The following MACROD2 variants were observed in gnomAD, a reference collection of about 807,000 sequenced individuals.
The protein encoded by MACROD2 is mono-ADP ribosylhydrolase 2.
Under a neutral mutation model 70.4 loss-of-function variants are expected in MACROD2, and 36 were observed. That is an observed-to-expected ratio of 0.51 (90% CI 0.39 to 0.68). The LOEUF (loss-of-function observed/expected upper bound fraction) is 0.68, where lower values mean the gene tolerates loss of function less well. MACROD2 is among the 30% of genes least tolerant of loss of function. MACROD2 has a pLI of 0.00. For missense variants in MACROD2, 496 were observed against 538.4 expected (o/e 0.92, Z 0.78); for synonymous variants, 172 against 178.8 (o/e 0.96, Z 0.30).
chr20:14,360,988 C>T (rs567107821), intron 3 of MACROD2, among the ~76,000 whole-genome samples: 3 of 152,214 alleles, frequency 2.0e-5, no homozygotes, highest in Admixed American at 6.5e-5. Flanking sequence ...GCAGGGCTTC[C>T]TAGCTTTTCC....
chr20:15,189,818 T>C (rs960213262), intron 5 of MACROD2, among the ~76,000 whole-genome samples: 18 of 152,302 alleles, frequency 1.2e-4, no homozygotes, highest in Non-Finnish European at 7.4e-5. Flanking sequence ...CCTGAGATCA[T>C]TACAGTGTTA....
chr20:15,919,389 T>G (rs563439346), intron 10 of MACROD2, among the ~76,000 whole-genome samples: 1 of 152,334 alleles, frequency 6.6e-6, no homozygotes, highest in East Asian at 1.9e-4. Flanking sequence ...TCAGCTACCC[T>G]AGAAAATTTT....
At chr20:15,313,695 T>G (rs903797327) in intron 6 of MACROD2, among the ~76,000 whole-genome samples, 5 of 152,108 alleles carry the variant, frequency 3.3e-5, no homozygotes, top group African/African-American at 1.2e-4. Flanking sequence ...CTCACTATAC[T>G]TCTGCCTACC....
chr20:16,041,581 T>C (rs532399721), intron 16 of MACROD2, among the ~76,000 whole-genome samples: 11 of 151,996 alleles, frequency 7.2e-5, no homozygotes, highest in East Asian at 1.9e-4. Flanking sequence ...GTGAACTTTA[T>C]GGAAGCATTA....
At chr20:14,188,398 A>G (rs1317368483) in intron 3 of MACROD2, among the ~76,000 whole-genome samples, 1 of 152,148 alleles carries the variant, frequency 6.6e-6, no homozygotes, top group Non-Finnish European at 1.5e-5. Flanking sequence ...AAGCGATGCC[A>G]TATTTACCTG....
Position 14,803,189 on chromosome 20 carries a change from G to C in MACROD2, c.418+118230G>C, listed in dbSNP as rs568298131. Among the ~76,000 whole-genome samples, 169 of 152,202 alleles carry C rather than the reference G, an allele frequency of 1.1e-3. 1 individual carries two copies. The highest frequency in any genetic ancestry group is 3.9e-3 in the Admixed American group (60 of 15,286). On this transcript the variant is annotated intron_variant, in intron 5 of 17. Coordinates refer to ENST00000684519, the MANE Select transcript of MACROD2 (RefSeq NM_001351661.2). Reference sequence around the variant, plus strand: ...ATGGCACAGCATATTGCCTGTGGCAGAATCTATTACCAAGAAGTGGAGACC... The same window carrying C: ...ATGGCACAGCATATTGCCTGTGGCACAATCTATTACCAAGAAGTGGAGACC...
At chr20:14,774,721 G>T (rs1487665262) in intron 5 of MACROD2, among the ~76,000 whole-genome samples, 3 of 152,138 alleles carry the variant, frequency 2.0e-5, no homozygotes, top group Admixed American at 6.5e-5. Context: ...TTCTATAAAT[G>T]AGTAAGATAC....
chr20:15,380,192 TCAGCA>T lies in MACROD2; in HGVS notation c.541-51206_541-51202del, dbSNP rs1026950932. 1.6e-3 allele frequency among the ~76,000 whole-genome samples: 237 copies of T among 152,102 alleles called. 1 individual carries two copies. Among genetic ancestry groups the T allele is most frequent in the African/African-American group, 5.1e-3 (213 of 41,446 alleles). On this transcript the variant is annotated intron_variant, in intron 6 of 17. Transcript: ENST00000684519. ...ATCATACCATCATTTAAAAAAACCC[TCAGCA>T]CAGCACTTATCACAATCTGAGTGAT...
intron 5 of MACROD2, among the ~76,000 whole-genome samples, chr20:14,701,414 G>A (rs1193576759): frequency 1.3e-5 from 2 of 152,096 alleles, no homozygotes; most frequent in African/African-American, 2.4e-5. Context: ...AAGGATGCTG[G>A]ACTCTCTTGA....
chr20:15,505,306 A>C (rs966397139), intron 8 of MACROD2, among the ~76,000 whole-genome samples: 1 of 152,182 alleles, frequency 6.6e-6, no homozygotes, highest in South Asian at 2.1e-4. Context: ...TACGGCTTCT[A>C]AGATGACGAT....
At chr20:14,695,216 G>C (rs2071109568) in intron 5 of MACROD2, among the ~76,000 whole-genome samples, 1 of 152,158 alleles carries the variant, frequency 6.6e-6, no homozygotes, top group Admixed American at 6.6e-5. Context: ...GGTTCCAGGA[G>C]CAGATCCATC....
At chr20:15,550,306 G>T (rs1055926274) in intron 8 of MACROD2, among the ~76,000 whole-genome samples, 1 of 148,772 alleles carries the variant, frequency 6.7e-6, no homozygotes, top group Non-Finnish European at 1.5e-5. Context: ...TTTAAAATAA[G>T]AAATATTTAA....
intron 5 of MACROD2, among the ~76,000 whole-genome samples, chr20:15,101,533 T>TAAAAAAAAAAAAAA (rs1568573864): frequency 1.6e-3 from 12 of 7,478 alleles, no homozygotes; most frequent in Admixed American, 3.0e-3. Context: ...AGGTGTTGGT[T>TAAAAAAAAAAAAAA]CAAAAAAAAA....
chr20:15,567,311 C>A (rs914181870), intron 8 of MACROD2, among the ~76,000 whole-genome samples: 7 of 152,058 alleles, frequency 4.6e-5, no homozygotes, highest in Admixed American at 3.9e-4. Context: ...ATCTAGTTGG[C>A]CAGTGCATAT....
intron 3 of MACROD2, among the ~76,000 whole-genome samples, chr20:14,151,829 T>C (rs2055026920): frequency 7.3e-6 from 1 of 136,948 alleles, no homozygotes; most frequent in South Asian, 2.5e-4. Context: ...TTTTTTTTTT[T>C]TTTTTTTTTT....
At chr20:14,174,184 G>T (rs2081245409) in intron 3 of MACROD2, among the ~76,000 whole-genome samples, 1 of 152,134 alleles carries the variant, frequency 6.6e-6, no homozygotes, top group Non-Finnish European at 1.5e-5. Context: ...GTTGCCGTTG[G>T]ATAAGTATTC....
At chr20:14,933,972 T>C (rs2074318572) in intron 5 of MACROD2, 1 of 152,214 alleles carries the variant, frequency 6.6e-6, no homozygotes, top group South Asian at 2.1e-4. Flanking sequence ...ATTATTTTTT[T>C]ACTTTACAGT....
chr20:14,554,807 T>C (rs1600379691), intron 4 of MACROD2, among the ~76,000 whole-genome samples: 1 of 152,266 alleles, frequency 6.6e-6, no homozygotes, highest in East Asian at 1.9e-4. Flanking sequence ...TGTCCCTGAA[T>C]ATATTTTTAG....
At chr20:14,381,581 T>G (rs2083420588) in intron 3 of MACROD2, among the ~76,000 whole-genome samples, 1 of 152,154 alleles carries the variant, frequency 6.6e-6, no homozygotes, top group Admixed American at 6.6e-5. Context: ...TTACTAACAT[T>G]ATTTATCACT....
Sources: gnomAD v4.1 joint callset for allele counts (sites outside exome capture counted in the v4.1 genomes callset) on GRCh38, gnomAD v4.1.1 for gene constraint, MANE v1.5 for transcripts, NCBI Gene and HGNC (gene_info 2026-07-23, HGNC 2026-07-21) for gene names.